The following TSPAN12 variants were observed in gnomAD, a reference collection of about 807,000 sequenced individuals.
The protein encoded by TSPAN12 is tetraspanin 12.
Under a neutral mutation model 39.2 loss-of-function variants are expected in TSPAN12, and 19 were observed. The ratio of observed to expected loss-of-function variants is 0.49; its 90% confidence interval spans 0.34 to 0.71. The LOEUF (loss-of-function observed/expected upper bound fraction) is 0.71. Among genes scored for constraint, TSPAN12 ranks in the 30% least tolerant of loss-of-function variants. TSPAN12 has a pLI of 0.01. For synonymous variants in TSPAN12, 119 were observed against 124.8 expected (o/e 0.95, Z 0.31); for missense variants, 314 against 359.9 (o/e 0.87, Z 1.03).
Position 120,838,774 on chromosome 7 carries a change from T to C in TSPAN12, c.285+3A>G. 6.2e-7 allele frequency: 1 copy of C among 1,613,522 alleles called. No homozygotes were observed. The highest frequency in any genetic ancestry group is 2.2e-5 in the East Asian group (1 of 44,826). On this transcript the variant is annotated splice_donor_region_variant and intron_variant, in intron 4 of 7. Transcript: ENST00000222747. ...ATAATAAAGAGAAAATATAACATCA[T>C]ACCCATGCAAGAAGCAACAGATTTC...
At chr7:120,831,170 GA>G (rs1366320393) in intron 4 of TSPAN12, among the ~76,000 whole-genome samples, 4 of 151,938 alleles carry the variant, frequency 2.6e-5, no homozygotes, top group African/African-American at 7.2e-5. Flanking sequence ...GGCTGTGGGG[GA>G]AAAAAATCCT....
chr7:120,816,627 A>G (rs1794088938), intron 4 of TSPAN12, among the ~76,000 whole-genome samples: 1 of 152,118 alleles, frequency 6.6e-6, no homozygotes, highest in Non-Finnish European at 1.5e-5. Context: ...GAAGAGATCA[A>G]AGGTGAAAGA....
At chr7:120,799,462 T>TTATATAATTATTTTTATAATTA (rs1793698351) in intron 7 of TSPAN12, among the ~76,000 whole-genome samples, 11 of 134,706 alleles carry the variant, frequency 8.2e-5, no homozygotes, top group East Asian at 4.1e-4. Context: ...TATAATTTAA[T>TTATATAATTATTTTTATAATTA]TACATAATTA....
intron 5 of TSPAN12, chr7:120,814,197 C>T (rs1470472703): frequency 2.2e-6 from 1 of 456,502 alleles, no homozygotes; most frequent in Non-Finnish European, 4.4e-6. Context: ...TACATCAGCA[C>T]CAGAAATGAC....
At chr7:120,823,728 T>C (rs1437833415) in intron 4 of TSPAN12, among the ~76,000 whole-genome samples, 1 of 152,166 alleles carries the variant, frequency 6.6e-6, no homozygotes, top group Non-Finnish European at 1.5e-5. Flanking sequence ...TCCAAAGGAA[T>C]CTGCTCAAAC....
At position 120,854,159 on chromosome 7, in the gene TSPAN12, C is replaced by A. The variant is rs1258504415; in HGVS notation, c.66+2539G>T. Among the ~76,000 whole-genome samples the A allele has an allele frequency of 2.0e-5, 3 of 152,102 alleles. No individual in the cohort carries two copies. In the East Asian group the frequency reaches 5.8e-4, roughly 29 times the overall value. On this transcript the variant is annotated intron_variant, in intron 2 of 7. Coordinates refer to ENST00000222747, the MANE Select transcript of TSPAN12 (RefSeq NM_012338.4). Reference sequence around the variant, plus strand: ...TCAGATTGGCAAAGATTTAGAAGTGCCATATTACCAACAAGATGGCAACAA... The same window carrying A: ...TCAGATTGGCAAAGATTTAGAAGTGACATATTACCAACAAGATGGCAACAA...
intron 6 of TSPAN12, 134 bp from the exon 7 acceptor site, chr7:120,806,826 T>C (rs1793884737): frequency 4.6e-6 from 5 of 1,088,866 alleles, no homozygotes; most frequent in Non-Finnish European, 6.7e-6. Context: ...ATATGTACAG[T>C]CTATGTTGAT....
At position 120,788,492 on chromosome 7, in the gene TSPAN12, A is replaced by G. The variant is rs1443233110; in HGVS notation, c.*100T>C. 3.9e-5 allele frequency: 57 copies of G among 1,443,364 alleles called. 1 individual carries two copies. Among genetic ancestry groups the G allele is most frequent in the Non-Finnish European group, 1.9e-6 (2 of 1,032,846 alleles). 89.4% of individuals were successfully genotyped at this position (1,443,364 alleles called of 1,614,324 possible). A position where few individuals can be genotyped will look rare whatever the true frequency, so the allele number is the denominator to read the frequency against. ...TATGCTTAGGTGTTATTTTATGGCA[A>G]CATTTTTATTTCTACATATTTCTGA... is the stretch of plus-strand genomic sequence containing the variant. On this transcript the variant is annotated 3_prime_UTR_variant, in exon 8 of 8. Transcript: ENST00000222747.
chr7:120,838,682 C>G lies in TSPAN12; in HGVS notation c.285+95G>C, dbSNP rs1023031452. 4 of 1,311,432 alleles carry G rather than the reference C, an allele frequency of 3.1e-6. No homozygotes were observed. The African/African-American group carries it at 6.0e-5, about 20-fold the overall frequency. The allele number at this position is 1,311,432 out of a possible 1,614,324, so 81.2% of individuals were successfully genotyped here. Reference sequence around the variant, plus strand: ...CCCTTCTTACAGGATGTTGTTACTGCTATCACTGCTCCCTAATCTTGTGAA... The same window carrying G: ...CCCTTCTTACAGGATGTTGTTACTGGTATCACTGCTCCCTAATCTTGTGAA... On this transcript the variant is annotated intron_variant, in intron 4 of 7. Transcript: ENST00000222747.
chr7:120,818,671 C>T lies in TSPAN12; in HGVS notation c.286-2868G>A, dbSNP rs116642688. Among the ~76,000 whole-genome samples the T allele has an allele frequency of 6.1e-3, 928 of 152,194 alleles. 8 individuals carry two copies. The highest frequency in any genetic ancestry group is 0.021 in the African/African-American group (884 of 41,540). On this transcript the variant is annotated intron_variant, in intron 4 of 7. Coordinates refer to ENST00000222747, the MANE Select transcript of TSPAN12 (RefSeq NM_012338.4). ...AAGAATATATAACTGCATAATCTCT[C>T]AGACAATAACACAGCTTCAAAATAA...
chr7:120,806,527 A>C, intron 7 of TSPAN12, 22 bp downstream of exon 7: 1 of 1,611,840 alleles, frequency 6.2e-7, no homozygotes, highest in Non-Finnish European at 8.5e-7. Context: ...ATCCATAATA[A>C]ATTAACCATA....
At chr7:120,857,720 G>A (rs1794902429) in intron 1 of TSPAN12, 100 bp downstream of exon 1, 1 of 152,188 alleles carries the variant, frequency 6.6e-6, no homozygotes, top group Non-Finnish European at 1.5e-5. Context: ...GGGAGCCCCA[G>A]AGCCAGCCCT....
chr7:120,798,169 C>A (rs967070193), intron 7 of TSPAN12, among the ~76,000 whole-genome samples: 19 of 152,176 alleles, frequency 1.2e-4, no homozygotes, highest in African/African-American at 4.3e-4. Flanking sequence ...AAGAAGAATG[C>A]ATTTGTATAC....
In TSPAN12 at chr7:120,856,794, T is replaced by C. The variant is rs1794880310; in HGVS notation, c.-31A>G. The C allele has an allele frequency of 6.2e-7, 1 of 1,612,950 alleles. No homozygotes were observed. The highest frequency in any genetic ancestry group is 8.5e-7 in the Non-Finnish European group (1 of 1,179,062). ...GCCCCGTAAGGGAGAAGCCCCATCC[T>C]TTCACCACATCCTACTCCCAAGGGC... On this transcript the variant is annotated 5_prime_UTR_variant, in exon 2 of 8. Transcript: ENST00000222747.
chr7:120,811,541 G>A (rs1235481898), intron 5 of TSPAN12, among the ~76,000 whole-genome samples: 1 of 151,420 alleles, frequency 6.6e-6, no homozygotes, highest in Non-Finnish European at 1.5e-5. Flanking sequence ...GTAGTGGCGG[G>A]TGCCTGTAGT....
In TSPAN12 at chr7:120,815,785, C is replaced by G; in HGVS notation, c.304G>C (p.Val102Leu). 1.9e-6 allele frequency: 3 copies of G among 1,612,890 alleles called. No individual in the cohort carries two copies. In the Middle Eastern group the frequency reaches 5.0e-4, roughly 266 times the overall value. The change falls in exon 5 of 8, where the codon GTC (valine) becomes CTC (leucine). Residue 102 changes from valine (V) to leucine (L), a missense_variant. Val to Leu is a conservative substitution (Grantham distance 32, BLOSUM62 1). Transcript: ENST00000222747. ...CAAGCCAGTTCTACACAGAAAATGA[C>G]AAGCAAACTTCCAAAGTACTGTAGA... ...LLAWYFGSLLVIFCVELACGV... is the reference protein window; with the variant it reads ...LLAWYFGSLLLIFCVELACGV...
chr7:120,797,208 C>A (rs1236798701), intron 7 of TSPAN12, among the ~76,000 whole-genome samples: 3 of 152,210 alleles, frequency 2.0e-5, no homozygotes, highest in African/African-American at 7.2e-5. Flanking sequence ...GCCTCCCTTG[C>A]AGCTAAGCAA....
intron 4 of TSPAN12, among the ~76,000 whole-genome samples, chr7:120,819,876 A>G (rs1794155862): frequency 6.6e-6 from 1 of 152,174 alleles, no homozygotes; most frequent in Non-Finnish European, 1.5e-5. Context: ...TTTAAGAGCT[A>G]GATTTGAAGC....
At chr7:120,820,101 C>T (rs564376001) in intron 4 of TSPAN12, among the ~76,000 whole-genome samples, 1 of 152,254 alleles carries the variant, frequency 6.6e-6, no homozygotes, top group South Asian at 2.1e-4. Flanking sequence ...TTTCCCAATG[C>T]ATATGGTTTG....
Sources: gnomAD v4.1 joint callset for allele counts (sites outside exome capture counted in the v4.1 genomes callset) on GRCh38, gnomAD v4.1.1 for gene constraint, MANE v1.5 for transcripts, NCBI Gene and HGNC (gene_info 2026-07-23, HGNC 2026-07-21) for gene names.